The following ANK2 variants were observed in gnomAD, a reference collection of about 807,000 sequenced individuals.
The protein encoded by ANK2 is ankyrin 2.
ANK2 carries 83 observed loss-of-function variants against 360.5 expected under a neutral mutation model. That is an observed-to-expected ratio of 0.23 (90% CI 0.19 to 0.28). The LOEUF (loss-of-function observed/expected upper bound fraction) is 0.28, where lower values mean the gene tolerates loss of function less well. ANK2 is among the 10% of genes least tolerant of loss of function. The pLI, the probability that ANK2 is intolerant of heterozygous loss-of-function variation, is 1.00. For synonymous variants in ANK2, 1,740 were observed against 1,759.5 expected (o/e 0.99, Z 0.28); for missense variants, 4,201 against 4,795.7 (o/e 0.88, Z 3.66).
intron 1 of ANK2, among the ~76,000 whole-genome samples, chr4:113,060,915 C>T (rs765725462): frequency 6.6e-6 from 1 of 152,014 alleles, no homozygotes; most frequent in Non-Finnish European, 1.5e-5. Flanking sequence ...TTAGCATAGC[C>T]TCTCTAATAT....
At chr4:113,199,951 A>G (rs2098806241) in intron 4 of ANK2, among the ~76,000 whole-genome samples, 1 of 152,210 alleles carries the variant, frequency 6.6e-6, no homozygotes, top group Admixed American at 6.5e-5. Context: ...TTCATTAATT[A>G]CCTAGGCATG....
chr4:113,354,166 A>G lies in ANK2; in HGVS notation c.5548A>G (p.Lys1850Glu), dbSNP rs1343954893. ...GCACCCTCCAGTATCACCATCAAGT[A>G]AAACTGAGAAACACTCACCTGTGTC... ...ERHPPVSPSS[K>E]TEKHSPVSPS... Residue 1850 changes from lysine (K) to glutamate (E), a missense_variant, in exon 38 of 46, where the codon AAA (lysine) becomes GAA (glutamate). Coordinates refer to ENST00000357077, the MANE Select transcript of ANK2 (RefSeq NM_001148.6). The G allele has an allele frequency of 6.2e-7, 1 of 1,614,054 alleles. No homozygotes were observed. Among genetic ancestry groups the G allele is most frequent in the Non-Finnish European group, 8.5e-7 (1 of 1,179,942 alleles).
chr4:113,074,853 G>A (rs2079203749), intron 1 of ANK2, among the ~76,000 whole-genome samples: 2 of 152,204 alleles, frequency 1.3e-5, no homozygotes, highest in African/African-American at 4.8e-5. Context: ...ATACGTTTAT[G>A]AAGTAATGAG....
intron 6 of ANK2, 72 bp from the exon 7 acceptor site, chr4:113,237,505 ACAGTATACCCAATTGCAGCGAG>A (rs2099392730): frequency 7.9e-7 from 1 of 1,263,658 alleles, no homozygotes; most frequent in Non-Finnish European, 1.2e-6. Flanking sequence ...CCATGTTGGA[ACAGTATACCCAATTGCAGCGAG>A]CAGATTGACT....
intron 28 of ANK2, among the ~76,000 whole-genome samples, chr4:113,332,409 A>G (rs1207199268): frequency 1.3e-5 from 2 of 152,164 alleles, no homozygotes; most frequent in Non-Finnish European, 1.5e-5. Flanking sequence ...AAAACCCTCT[A>G]CATATTTTGA....
intron 1 of ANK2, among the ~76,000 whole-genome samples, chr4:113,059,911 T>G (rs1404939835): frequency 1.3e-5 from 2 of 152,132 alleles, no homozygotes; most frequent in Non-Finnish European, 2.9e-5. Flanking sequence ...GCCAGTTATC[T>G]TCATTTAGTG....
At chr4:113,027,060 G>T (rs917418089) in intron 2 of ANK2, among the ~76,000 whole-genome samples, 1 of 152,122 alleles carries the variant, frequency 6.6e-6, no homozygotes, top group East Asian at 1.9e-4. Flanking sequence ...TGGCGTGCTG[G>T]ATATGGGGAA....
At chr4:113,058,353 A>G (rs547877286) in intron 1 of ANK2, among the ~76,000 whole-genome samples, 2 of 152,290 alleles carry the variant, frequency 1.3e-5, no homozygotes, top group South Asian at 4.1e-4. Context: ...GTACCTTTTT[A>G]TAAGTATTTT....
At chr4:113,215,905 T>A (rs530421139) in intron 4 of ANK2, among the ~76,000 whole-genome samples, 1 of 152,244 alleles carries the variant, frequency 6.6e-6, no homozygotes, top group East Asian at 1.9e-4. Context: ...ATTCCAGTAT[T>A]TACTTAACAA....
chr4:112,967,709 T>C (rs935454238), intron 2 of ANK2, among the ~76,000 whole-genome samples: 1 of 152,214 alleles, frequency 6.6e-6, no homozygotes, highest in African/African-American at 2.4e-5. Flanking sequence ...GTTATATCAG[T>C]TTTTATTTTA....
At position 113,278,493 on chromosome 4, in the gene ANK2, T is replaced by C; in HGVS notation, c.1816T>C (p.Tyr606His). 1 of 1,613,956 alleles carries C rather than the reference T, an allele frequency of 6.2e-7. No individual in the cohort carries two copies. Among genetic ancestry groups the C allele is most frequent in the African/African-American group, 1.3e-5 (1 of 74,996 alleles). Residue 606 changes from tyrosine (Y) to histidine (H), a missense_variant, in exon 17 of 46, where the codon TAT (tyrosine) becomes CAT (histidine). This residue lies in a region of ANK2 where 1,268 missense variants were observed against 1,650.8 expected (regional missense o/e 0.77). Coordinates refer to ENST00000357077, the MANE Select transcript of ANK2 (RefSeq NM_001148.6). ...TACCCCGCTCCATGTTGCTGCTCAT[T>C]ATGACAACCAGAAGGTGGCGCTGCT... Reference protein sequence around the residue: ...GLTPLHVAAHYDNQKVALLLL... With the variant: ...GLTPLHVAAHHDNQKVALLLL...
In ANK2 at chr4:113,212,720, A is replaced by C. The variant is rs563427322; in HGVS notation, c.384+13611A>C. 3.3e-5 allele frequency among the ~76,000 whole-genome samples: 5 copies of C among 152,358 alleles called. No homozygotes were observed. In the South Asian group the frequency reaches 1.0e-3, roughly 32 times the overall value. On this transcript the variant is annotated intron_variant, in intron 4 of 45. Coordinates refer to ENST00000357077, the MANE Select transcript of ANK2 (RefSeq NM_001148.6). ...GGATCATAATAACAGTACCTTCAGC[A>C]AACAGTTGTTGTGAGATTAATCCAT...
the ANK2 span, among the ~76,000 whole-genome samples, chr4:112,787,706 G>A: frequency 7.5e-3 from 1,146 of 152,296 alleles, 9 homozygotes; most frequent in African/African-American, 0.026. Context: ...TAAAGAATGA[G>A]TAGCACCACT....
chr4:113,302,420 C>T (rs1372047089), intron 22 of ANK2, among the ~76,000 whole-genome samples: 1 of 152,102 alleles, frequency 6.6e-6, no homozygotes, highest in Admixed American at 6.5e-5. Context: ...TTTCTGGAAA[C>T]GTCACTTAGT....
chr4:113,355,517 C>T lies in ANK2; in HGVS notation c.6899C>T (p.Ser2300Leu). The T allele has an allele frequency of 3.1e-6, 5 of 1,614,074 alleles. No individual in the cohort carries two copies. Among genetic ancestry groups the T allele is most frequent in the Non-Finnish European group, 4.2e-6 (5 of 1,179,986 alleles). ...EERGATVTED[S>L]ETSTESFQKE... ...CGAGGTGCCACAGTCACTGAGGACT[C>T]AGAGACCTCTACTGAGAGTTTTCAG... Residue 2300 changes from serine to leucine, a missense_variant, in exon 38 of 46, where the codon TCA (serine) becomes TTA (leucine). Around this residue, in one of 4 missense-constraint regions of ANK2, gnomAD observed 2,642 missense variants for 2,714.5 expected, o/e 0.97. Coordinates refer to ENST00000357077, the MANE Select transcript of ANK2 (RefSeq NM_001148.6).
chr4:112,747,476 T>A, the ANK2 span, among the ~76,000 whole-genome samples: 2 of 152,204 alleles, frequency 1.3e-5, no homozygotes, highest in Middle Eastern at 6.3e-3. Context: ...CATAATTGGT[T>A]AGCTGAATAC....
intron 1 of ANK2, among the ~76,000 whole-genome samples, chr4:113,148,730 C>T (rs1412845099): frequency 6.6e-6 from 1 of 152,106 alleles, no homozygotes; most frequent in African/African-American, 2.4e-5. Context: ...GACAGACTTT[C>T]AGCATTTATA....
chr4:113,240,650 A>G, intron 8 of ANK2, 67 bp downstream of exon 8: 6 of 1,361,728 alleles, frequency 4.4e-6, no homozygotes, highest in Non-Finnish European at 6.3e-6. Flanking sequence ...GTAAAAAGGA[A>G]CACCAATGGC....
intron 1 of ANK2, among the ~76,000 whole-genome samples, chr4:113,086,701 G>T (rs1007133730): frequency 6.6e-6 from 1 of 152,178 alleles, no homozygotes; most frequent in East Asian, 1.9e-4. Flanking sequence ...GAGAGTGATG[G>T]GGGGCTCTTC....
Sources: gnomAD v4.1 joint callset for allele counts (sites outside exome capture counted in the v4.1 genomes callset) on GRCh38, gnomAD v4.1.1 for gene constraint, gnomAD v4.1.1 regional missense constraint, MANE v1.5 for transcripts, NCBI Gene and HGNC (gene_info 2026-07-23, HGNC 2026-07-21) for gene names.